Variants in SCUBE1 observed in about 807,000 individuals in gnomAD.
SCUBE1 encodes the protein signal peptide, CUB domain and EGF like domain containing 1, also known as signal peptide, CUB and EGF-like domain-containing protein 1.
In SCUBE1, 59 loss-of-function variants were observed where a neutral mutation model predicts 124.4. The ratio of observed to expected loss-of-function variants is 0.47; its 90% CI spans 0.38 to 0.59. The LOEUF (loss-of-function observed/expected upper bound fraction) is 0.59, where lower values mean the gene tolerates loss of function less well. Among genes scored for constraint, SCUBE1 ranks in the 20% least tolerant of loss-of-function variants. The probability of loss-of-function intolerance (pLI) is 0.00; values close to 1 mark genes in which losing one functional copy is unlikely to be tolerated. For missense variants in SCUBE1, 1,150 were observed against 1,371.2 expected, an observed-to-expected ratio of 0.84 and a Z score of 2.55; for synonymous variants, 545 against 550.9, an observed-to-expected ratio of 0.99 and a Z score of 0.15.
rs746101688 is a variant in SCUBE1, at chr22:43,339,115, T to A, written c.209A>T (p.Lys70Met). The A allele has an allele frequency of 6.2e-7, 1 of 1,613,756 alleles. No homozygotes were observed. Among genetic ancestry groups the A allele is most frequent in the Non-Finnish European group, 8.5e-7 (1 of 1,179,728 alleles). The change falls in exon 2 of 22, where the codon AAG becomes ATG. Residue 70 changes from lysine to methionine, a missense_variant. Physicochemically the swap from Lys to Met is moderately conservative, Grantham distance 95. Around this residue, in one of 3 missense-constraint regions of SCUBE1, gnomAD observed 337 missense variants for 482.1 expected, o/e 0.70. Coordinates refer to ENST00000360835, the MANE Select transcript of SCUBE1 (RefSeq NM_173050.5). Reference sequence around the variant, plus strand: ...CGGGCTGGACTCACCTTCACACTGCTTGCCTTCCCCCTTGTAGCCTGGCTT... The same window carrying A: ...CGGGCTGGACTCACCTTCACACTGCATGCCTTCCCCCTTGTAGCCTGGCTT... ...LCKPGYKGEGKQCEDIDECEN... is the reference protein window; with the variant it reads ...LCKPGYKGEGMQCEDIDECEN...
chr22:43,304,117 TCAA>T (rs1401583072), intron 3 of SCUBE1, among the ~76,000 whole-genome samples: 2 of 152,166 alleles, frequency 1.3e-5, no homozygotes, highest in Non-Finnish European at 2.9e-5. Context: ...GATTCCTGGG[TCAA>T]CGACTGTGAG....
intron 6 of SCUBE1, among the ~76,000 whole-genome samples, chr22:43,243,462 C>T (rs778018368): frequency 7.4e-4 from 113 of 152,228 alleles, no homozygotes; most frequent in Non-Finnish European, 1.1e-3. Context: ...CAGGGGAGGC[C>T]GGGCGCTCCA....
At chr22:43,214,046 C>CCGGGGGGGGGGGGGGGGGGGGGGGGG in intron 16 of SCUBE1, 44 bp downstream of exon 16, 4 of 422,702 alleles carry the variant, frequency 9.5e-6, no homozygotes, top group Non-Finnish European at 1.7e-5. Flanking sequence ...GAGGAGCCCC[C>CCGGGGGGGGGGGGGGGGGGGGGGGGG]GCCCACCCCC....
At chr22:43,280,279 A>G (rs1924713210) in intron 4 of SCUBE1, among the ~76,000 whole-genome samples, 1 of 151,978 alleles carries the variant, frequency 6.6e-6, no homozygotes. Flanking sequence ...AAACTTAAAT[A>G]TTCCCCACCT....
intron 4 of SCUBE1, among the ~76,000 whole-genome samples, chr22:43,287,482 G>C (rs528076781): frequency 9.9e-5 from 15 of 152,244 alleles, no homozygotes; most frequent in Non-Finnish European, 1.6e-4. Flanking sequence ...AGCCAGGGTC[G>C]CAGCCATGCC....
chr22:43,267,678 G>C (rs1008486405), intron 4 of SCUBE1, among the ~76,000 whole-genome samples: 2 of 152,200 alleles, frequency 1.3e-5, no homozygotes, highest in Non-Finnish European at 2.9e-5. Context: ...CGACCAGGGT[G>C]GCAGGCTGGG....
chr22:43,215,462 T>G (rs1456834307), intron 15 of SCUBE1, among the ~76,000 whole-genome samples: 1 of 152,192 alleles, frequency 6.6e-6, no homozygotes, highest in Non-Finnish European at 1.5e-5. Context: ...GCGGGAGCTG[T>G]GCAGAAGTTT....
At chr22:43,279,767 C>T (rs1030383967) in intron 4 of SCUBE1, among the ~76,000 whole-genome samples, 1 of 152,162 alleles carries the variant, frequency 6.6e-6, no homozygotes, top group Admixed American at 6.5e-5. Context: ...AGGTTGGACC[C>T]TCCTACAGCC....
In SCUBE1 at chr22:43,205,757, CCA is replaced by C. The variant is rs201590990; in HGVS notation, c.2815-1610_2815-1609del. ...CACCACACGCCCACTCACCACTCACCCACACACACACCACCCACTCACCACAC... is the reference window on the plus strand; with the variant it reads ...CACCACACGCCCACTCACCACTCACCCACACACACCACCCACTCACCACAC... On this transcript the variant is annotated intron_variant, in intron 21 of 21. Transcript: ENST00000360835. Among the ~76,000 whole-genome samples, 430 of 90,604 alleles carry C rather than the reference CCA, an allele frequency of 4.7e-3. 33 individuals are homozygous for C. The highest frequency in any genetic ancestry group is 0.018 in the African/African-American group (250 of 14,090). The allele number at this position is 90,604 out of a possible 152,430, so 59.4% of individuals were successfully genotyped here. A position where few individuals can be genotyped will look rare whatever the true frequency, so the allele number is the denominator to read the frequency against.
At position 43,258,402 on chromosome 22, in the gene SCUBE1, G is replaced by A; in HGVS notation, c.611-67C>T. The A allele has an allele frequency of 8.3e-7, 1 of 1,202,960 alleles. No individual in the cohort carries two copies. Among genetic ancestry groups the A allele is most frequent in the Non-Finnish European group, 1.2e-6 (1 of 806,902 alleles). 74.5% of individuals were successfully genotyped at this position (1,202,960 alleles called of 1,614,324 possible). ...CAACAAAAACGGTTAGTTTGCCGGT[G>A]TTGGCGGCTGCCTTCAGGGTATGGG... On this transcript the variant is annotated intron_variant, in intron 5 of 21. Transcript: ENST00000360835. This position sits in a 1 kb window ranked among gnomAD's most constrained non-coding sequence, Gnocchi z 5.0.
chr22:43,263,291 C>G (rs1330023186), intron 4 of SCUBE1, among the ~76,000 whole-genome samples: 1 of 152,150 alleles, frequency 6.6e-6, no homozygotes, highest in Non-Finnish European at 1.5e-5. Flanking sequence ...GTGGCTCATA[C>G]CCCCTTCCGT....
In SCUBE1 at chr22:43,234,043, G is replaced by A. The variant is rs574916392; in HGVS notation, c.845-2168C>T. Among the ~76,000 whole-genome samples the A allele has an allele frequency of 4.6e-5, 7 of 152,072 alleles. No homozygotes were observed. The highest frequency in any genetic ancestry group is 1.2e-4 in the African/African-American group (5 of 41,506). ...GCCAGCACCATCCGAACCCAAAGAC[G>A]GGCCTGCTGCAGCACATCACGCTGG... is the stretch of plus-strand genomic sequence containing the variant. On this transcript the variant is annotated intron_variant, in intron 7 of 21. Coordinates refer to ENST00000360835, the MANE Select transcript of SCUBE1 (RefSeq NM_173050.5). The surrounding 1 kb of genome is among the most constrained non-coding windows in gnomAD (Gnocchi z 4.4).
At chr22:43,322,339 G>T (rs887499453) in intron 2 of SCUBE1, among the ~76,000 whole-genome samples, 2 of 152,212 alleles carry the variant, frequency 1.3e-5, no homozygotes, top group South Asian at 4.1e-4. Context: ...TTGCAGCCCT[G>T]ACCTTTCTCC....
intron 6 of SCUBE1, among the ~76,000 whole-genome samples, chr22:43,251,674 AC>A (rs1426405375): frequency 1.3e-5 from 2 of 152,028 alleles, no homozygotes; most frequent in African/African-American, 4.8e-5. Context: ...AAGGGGATGC[AC>A]CCCTGGAGCC....
At chr22:43,319,813 C>T in intron 3 of SCUBE1, 124 bp downstream of exon 3, 1 of 1,215,816 alleles carries the variant, frequency 8.2e-7, no homozygotes, top group African/African-American at 1.5e-5. Context: ...GTTATGACAA[C>T]CCTGGCAAAC....
chr22:43,226,590 A>G, intron 10 of SCUBE1, among the ~76,000 whole-genome samples: 1 of 123,430 alleles, frequency 8.1e-6, no homozygotes, highest in South Asian at 2.9e-4. Context: ...GCTTTGATTC[A>G]GAGTCAAAGG....
chr22:43,219,016 C>T (rs1057410233), intron 14 of SCUBE1, among the ~76,000 whole-genome samples: 1 of 152,234 alleles, frequency 6.6e-6, no homozygotes, highest in African/African-American at 2.4e-5. Context: ...CCACCTTTTC[C>T]ACCCAGTGAG....
intron 3 of SCUBE1, among the ~76,000 whole-genome samples, chr22:43,292,062 C>T (rs1601865676): frequency 6.6e-6 from 1 of 152,292 alleles, no homozygotes; most frequent in East Asian, 1.9e-4. Context: ...CAGCTGCAAC[C>T]CCACGAGCCC....
chr22:43,228,495 T>C (rs1922415985), intron 9 of SCUBE1, among the ~76,000 whole-genome samples: 1 of 152,176 alleles, frequency 6.6e-6, no homozygotes, highest in Non-Finnish European at 1.5e-5. Flanking sequence ...TGACTGGGAA[T>C]AAACCCTCAA....
Sources: gnomAD v4.1 joint callset for allele counts (sites outside exome capture counted in the v4.1 genomes callset) on GRCh38, gnomAD v4.1.1 for gene constraint, gnomAD v4.1.1 regional missense constraint, Gnocchi (gnomAD v3.1) non-coding constraint, MANE v1.5 for transcripts, NCBI Gene and HGNC (gene_info 2026-07-23, HGNC 2026-07-21) for gene names.